Variants in ZNF366 observed in about 807,000 individuals in gnomAD.
The protein encoded by ZNF366 is dendritic cell-specific transcript protein.
A neutral mutation model predicts 47.2 loss-of-function variants in ZNF366; 20 were observed. That is an observed-to-expected ratio of 0.42 (90% CI 0.30 to 0.62). ZNF366 has a LOEUF of 0.62. Among genes scored for constraint, ZNF366 ranks in the 20% least tolerant of loss-of-function variants. The pLI, the probability that ZNF366 is intolerant of heterozygous loss-of-function variation, is 0.16. For missense variants in ZNF366, 987 were observed against 976.3 expected, an observed-to-expected ratio of 1.01 and a Z score of -0.15; for synonymous variants, 421 against 395.1, an observed-to-expected ratio of 1.07 and a Z score of -0.78.
intron 1 of ZNF366, among the ~76,000 whole-genome samples, chr5:72,470,309 C>A (rs1743534402): frequency 1.3e-5 from 2 of 152,200 alleles, no homozygotes; most frequent in East Asian, 3.9e-4. Context: ...CCTACCTGAG[C>A]AGCCAACTGC....
chr5:72,486,029 T>C (rs1279078825), intron 1 of ZNF366, among the ~76,000 whole-genome samples: 2 of 152,216 alleles, frequency 1.3e-5, no homozygotes, highest in Non-Finnish European at 2.9e-5. Context: ...CTCCGTATTC[T>C]CTCTCCTTCC....
Position 72,461,104 on chromosome 5 carries a change from C to G in ZNF366, c.393G>C (p.Leu131=), listed in dbSNP as rs770956321. Residue 131 remains leucine (L), a synonymous_variant, in exon 2 of 5, where the codon CTG becomes CTC. Coordinates refer to ENST00000318442, the MANE Select transcript of ZNF366 (RefSeq NM_152625.3). ...RPKYDSQMID[L]CNVGFQFYRS... ...GGTAGAATTGGAAGCCCACGTTGCA[C>G]AGGTCGATCATCTGAGAGTCATACT... is the stretch of plus-strand genomic sequence containing the variant. 4 of 1,614,010 alleles carry G rather than the reference C, an allele frequency of 2.5e-6. No individual in the cohort carries two copies. The highest frequency in any genetic ancestry group is 4.5e-5 in the East Asian group (2 of 44,874).
chr5:72,440,853 A>T lies in ZNF366; in HGVS notation c.*2903T>A, dbSNP rs149892527. 1.6e-3 allele frequency: 249 copies of T among 152,346 alleles called. 1 individual carries two copies. Among genetic ancestry groups the T allele is most frequent in the African/African-American group, 5.6e-3 (231 of 41,570 alleles). The allele number at this position is 152,346 out of a possible 1,614,324, so 9.4% of individuals were successfully genotyped here. ...AATGCTGTATTAACCATCAGGTTAG[A>T]TCTAATTAAGTGTCTTATGCCCAGA... is the stretch of plus-strand genomic sequence containing the variant. On this transcript the variant is annotated 3_prime_UTR_variant, in exon 5 of 5. Transcript: ENST00000318442.
intron 1 of ZNF366, among the ~76,000 whole-genome samples, chr5:72,465,260 C>A (rs929171752): frequency 1.3e-5 from 2 of 152,124 alleles, no homozygotes; most frequent in Non-Finnish European, 2.9e-5. Flanking sequence ...GTGGCTGCTT[C>A]TAGCTATTAA....
In ZNF366 at chr5:72,444,287, C is replaced by G; in HGVS notation, c.1704G>C (p.Leu568=). 6.2e-7 allele frequency: 1 copy of G among 1,607,738 alleles called. No individual in the cohort carries two copies. The highest frequency in any genetic ancestry group is 8.5e-7 in the Non-Finnish European group (1 of 1,176,712). The change falls in exon 5 of 5, where the codon CTG becomes CTC. Residue 568 remains leucine, a synonymous_variant. Coordinates refer to ENST00000318442, the MANE Select transcript of ZNF366 (RefSeq NM_152625.3). Reference sequence around the variant, plus strand: ...GTGCCAGGGCGATTCTCCCCCTTCCCAGACCTGCAAGAGCAGAGTAAGAAT... The same window carrying G: ...GTGCCAGGGCGATTCTCCCCCTTCCGAGACCTGCAAGAGCAGAGTAAGAAT... ...VMERGLHSQG[L]GRGRIALAQT...
In ZNF366 at chr5:72,460,265, T is replaced by C; in HGVS notation, c.1232A>G (p.His411Arg). 6.2e-7 allele frequency: 1 copy of C among 1,614,182 alleles called. No individual in the cohort carries two copies. Among genetic ancestry groups the C allele is most frequent in the Non-Finnish European group, 8.5e-7 (1 of 1,180,004 alleles). The change falls in exon 2 of 5, where the codon CAC (histidine) becomes CGC (arginine). Residue 411 changes from histidine to arginine, a missense_variant. This residue lies in a region of ZNF366 where 591 missense variants were observed against 560.9 expected (regional missense o/e 1.05). Coordinates refer to ENST00000318442, the MANE Select transcript of ZNF366 (RefSeq NM_152625.3). Reference protein sequence around the residue: ...TFQYPSQLQNHMMKHKDIRPY... With the variant: ...TFQYPSQLQNRMMKHKDIRPY... Reference sequence around the variant, plus strand: ...CCGGATGTCCTTGTGCTTCATCATGTGGTTCTGCAGCTGGCTCGGGTACTG... The same window carrying C: ...CCGGATGTCCTTGTGCTTCATCATGCGGTTCTGCAGCTGGCTCGGGTACTG...
At chr5:72,472,565 G>A in intron 1 of ZNF366, 2 of 985,306 alleles carry the variant, frequency 2.0e-6, no homozygotes, top group Non-Finnish European at 2.4e-6. Flanking sequence ...CATTAAGAAA[G>A]CCAGTAAGTA....
chr5:72,495,837 C>T (rs116158191), intron 1 of ZNF366, among the ~76,000 whole-genome samples: 2,098 of 152,304 alleles, frequency 0.014, 41 homozygotes, highest in African/African-American at 0.048. Flanking sequence ...CACCCCACCC[C>T]ACCCTGGTAC....
intron 1 of ZNF366, among the ~76,000 whole-genome samples, chr5:72,499,956 C>A (rs1298103166): frequency 6.6e-6 from 1 of 152,188 alleles, no homozygotes; most frequent in Non-Finnish European, 1.5e-5. Context: ...CTGCTTCCTT[C>A]CCCCACCCCT....
chr5:72,487,970 C>T (rs906627083), intron 1 of ZNF366, among the ~76,000 whole-genome samples: 1 of 152,102 alleles, frequency 6.6e-6, no homozygotes, highest in Admixed American at 6.5e-5. Flanking sequence ...CTTTGGGAAG[C>T]TGAAGTGGGT....
At chr5:72,491,955 G>T (rs1042117542) in intron 1 of ZNF366, among the ~76,000 whole-genome samples, 2 of 152,326 alleles carry the variant, frequency 1.3e-5, no homozygotes, top group African/African-American at 4.8e-5. Context: ...CTGGGATGGT[G>T]GTGGTGGAGG....
intron 3 of ZNF366, among the ~76,000 whole-genome samples, chr5:72,451,097 C>G (rs1321904001): frequency 6.6e-6 from 1 of 152,198 alleles, no homozygotes; most frequent in East Asian, 1.9e-4. Context: ...TGTGCCCAAG[C>G]AGGACCTGCT....
chr5:72,447,192 C>G (rs1211145036), intron 4 of ZNF366, 51 bp downstream of exon 4: 5 of 1,598,438 alleles, frequency 3.1e-6, no homozygotes, highest in African/African-American at 1.3e-5. Flanking sequence ...ATTCAGCTCC[C>G]ATTTGTTGTC....
chr5:72,461,412 G>T lies in ZNF366; in HGVS notation c.85C>A (p.Leu29Met). The change falls in exon 2 of 5, where the codon CTG becomes ATG. Residue 29 changes from leucine to methionine, a missense_variant. Physicochemically the swap from Leu to Met is conservative, Grantham distance 15. Transcript: ENST00000318442. The part of the protein sequence containing the change: ...VKKTPSFPHC[L>M]QPVASRGKAP... ...TTTCCCCGAGAAGCCACTGGCTGCA[G>T]GCAGTGGGGAAAGGAGGGGGTCTTC... 2 of 1,612,758 alleles carry T rather than the reference G, an allele frequency of 1.2e-6. No individual in the cohort carries two copies. Among genetic ancestry groups the T allele is most frequent in the Non-Finnish European group, 1.7e-6 (2 of 1,178,900 alleles).
intron 3 of ZNF366, among the ~76,000 whole-genome samples, chr5:72,452,371 C>CT (rs1743091696): frequency 6.6e-6 from 1 of 152,212 alleles, no homozygotes; most frequent in South Asian, 2.1e-4. Context: ...AGGCGGTCCC[C>CT]TGGGGACATG....
At chr5:72,473,697 G>A (rs1580244701) in intron 1 of ZNF366, among the ~76,000 whole-genome samples, 1 of 152,124 alleles carries the variant, frequency 6.6e-6, no homozygotes, top group Admixed American at 6.5e-5. Context: ...TCTGTCTCTT[G>A]TTTCAAATCC....
In ZNF366 at chr5:72,461,133, G is replaced by T; in HGVS notation, c.364C>A (p.Pro122Thr). ...LPLLFPQPPR[P>T]KYDSQMIDLC... The stretch of plus-strand genomic sequence containing the variant: ...TCGATCATCTGAGAGTCATACTTGG[G>T]GCGCGGGGGCTGCGGGAACAGCAAA... Residue 122 changes from proline (P) to threonine (T), a missense_variant, in exon 2 of 5, where the codon CCC becomes ACC. By Grantham distance (38) the Pro-to-Thr change is conservative. Transcript: ENST00000318442. 1 of 1,614,188 alleles carries T rather than the reference G, an allele frequency of 6.2e-7. No homozygotes were observed. The highest frequency in any genetic ancestry group is 8.5e-7 in the Non-Finnish European group (1 of 1,180,044).
chr5:72,459,506 A>C (rs1259709765), intron 2 of ZNF366, among the ~76,000 whole-genome samples: 1 of 152,178 alleles, frequency 6.6e-6, no homozygotes. Flanking sequence ...CCCCTTGAAG[A>C]CCTGAGCACA....
chr5:72,490,372 A>C (rs912355872), intron 1 of ZNF366, among the ~76,000 whole-genome samples: 1 of 152,166 alleles, frequency 6.6e-6, no homozygotes, highest in Non-Finnish European at 1.5e-5. Context: ...AATTTTGAAA[A>C]TTTTGAGAAT....
Sources: gnomAD v4.1 joint callset for allele counts (sites outside exome capture counted in the v4.1 genomes callset) on GRCh38, gnomAD v4.1.1 for gene constraint, gnomAD v4.1.1 regional missense constraint, MANE v1.5 for transcripts, NCBI Gene and HGNC (gene_info 2026-07-23, HGNC 2026-07-21) for gene names.